The following MMP27 variants were observed in gnomAD, a reference collection of about 807,000 sequenced individuals.
MMP27 encodes matrix metalloproteinase-27.
In MMP27, 51 loss-of-function variants were observed where a neutral mutation model predicts 48.1. The observed-to-expected ratio is 1.06, with a 90% CI of 0.85 to 1.34. The LOEUF (loss-of-function observed/expected upper bound fraction) is 1.34. Ranked by LOEUF, MMP27 falls within the 40% of genes most tolerant of loss-of-function variation. The probability of loss-of-function intolerance (pLI) is 0.00; values close to 1 mark genes in which losing one functional copy is unlikely to be tolerated. For synonymous variants in MMP27, 229 were observed against 208.9 expected (o/e 1.10, Z -0.83); for missense variants, 698 against 619.3 (o/e 1.13, Z -1.35).
At chr11:102,703,844 T>C (rs1860993367) in intron 2 of MMP27, among the ~76,000 whole-genome samples, 1 of 152,196 alleles carries the variant, frequency 6.6e-6, no homozygotes, top group Non-Finnish European at 1.5e-5. Flanking sequence ...GAATCTTACA[T>C]GAGAACCACA....
intron 2 of MMP27, among the ~76,000 whole-genome samples, chr11:102,704,118 T>G (rs1220190971): frequency 6.6e-6 from 1 of 152,136 alleles, no homozygotes; most frequent in Non-Finnish European, 1.5e-5. Context: ...ATTTGGCAAC[T>G]CTCTCTCTCA....
chr11:102,693,155 AG>A, intron 8 of MMP27, 114 bp from the exon 9 acceptor site: 1 of 668,738 alleles, frequency 1.5e-6, no homozygotes, highest in Admixed American at 2.6e-5. Context: ...GGCATAGTAG[AG>A]GAAAACTAAT....
chr11:102,693,892 G>A lies in MMP27; in HGVS notation c.1193+14C>T, dbSNP rs369192418. 1 of 1,577,000 alleles carries A rather than the reference G, an allele frequency of 6.3e-7. No homozygotes were observed. The highest frequency in any genetic ancestry group is 1.2e-5 in the South Asian group (1 of 83,298). Reference sequence around the variant, plus strand: ...TCCATAATAAAACAAAGTGTCAATTGTCTGTAAACTTACCTCCAGCACCAA... The same window carrying A: ...TCCATAATAAAACAAAGTGTCAATTATCTGTAAACTTACCTCCAGCACCAA... On this transcript the variant is annotated intron_variant, in intron 8 of 9. Transcript: ENST00000260229.
At chr11:102,700,305 G>C (rs1860916384) in intron 4 of MMP27, among the ~76,000 whole-genome samples, 1 of 152,200 alleles carries the variant, frequency 6.6e-6, no homozygotes, top group South Asian at 2.1e-4. Flanking sequence ...ATGGAGATGT[G>C]ACTAAATAGA....
Position 102,695,117 on chromosome 11 carries a change from CT to C in MMP27, c.903-21del. ...AGGTGCCTGTGTTAAACAAAAAACA[CT>C]TTACACATGCAGCCTATTTCCATGT... On this transcript the variant is annotated intron_variant, in intron 6 of 9. Coordinates refer to ENST00000260229, the MANE Select transcript of MMP27 (RefSeq NM_022122.3). 1 of 1,609,806 alleles carries C rather than the reference CT, an allele frequency of 6.2e-7. No homozygotes were observed.
intron 2 of MMP27, among the ~76,000 whole-genome samples, chr11:102,704,167 G>A (rs930427741): frequency 2.0e-5 from 3 of 152,078 alleles, no homozygotes; most frequent in South Asian, 2.1e-4. Context: ...TGTGTTCCAG[G>A]GTCTCCCCAT....
In MMP27 at chr11:102,696,409, G is replaced by T; in HGVS notation, c.864C>A (p.Ile288=). ...ACATTACTTCTCTGCGGAAAGTTGT[G>T]ATAGCGTCAAAAGTCAAGTCAGGGT... ...ACDPDLTFDA[I]TTFRREVMFF... is the part of the protein sequence containing the mutation. Residue 288 remains isoleucine, a synonymous_variant, in exon 6 of 10, where the codon ATC becomes ATA. Transcript: ENST00000260229. 6.2e-7 allele frequency: 1 copy of T among 1,613,866 alleles called. No homozygotes were observed. The highest frequency in any genetic ancestry group is 8.5e-7 in the Non-Finnish European group (1 of 1,179,860).
chr11:102,696,617 C>A (rs1245126638), intron 5 of MMP27, 57 bp downstream of exon 5: 5 of 1,570,378 alleles, frequency 3.2e-6, no homozygotes, highest in South Asian at 1.2e-5. Context: ...TCTTAACTTC[C>A]TTTCTGAAAA....
chr11:102,704,414 G>C, intron 2 of MMP27, 123 bp downstream of exon 2: 1 of 760,176 alleles, frequency 1.3e-6, no homozygotes, highest in Non-Finnish European at 2.2e-6. Context: ...ACCGTAAATG[G>C]AGCCTAAGAT....
intron 7 of MMP27, 53 bp downstream of exon 7, chr11:102,694,914 T>C: frequency 6.2e-7 from 1 of 1,600,350 alleles, no homozygotes; most frequent in Non-Finnish European, 8.5e-7. Flanking sequence ...AAATATCCAC[T>C]GGTTAGTTCA....
chr11:102,696,911 A>G lies in MMP27; in HGVS notation c.620-76T>C, dbSNP rs1860842617. On this transcript the variant is annotated intron_variant, in intron 4 of 9. Transcript: ENST00000260229. The stretch of plus-strand genomic sequence containing the variant: ...TGGCTGCATCTGAGATTAGAAAGTA[A>G]CTAAGGGGAATGAAATAAAGGCTTG... 3 of 1,456,388 alleles carry G rather than the reference A, an allele frequency of 2.1e-6. No individual in the cohort carries two copies. The Admixed American group carries it at 6.7e-5, about 33-fold the overall frequency. The allele number at this position is 1,456,388 out of a possible 1,614,324, so 90.2% of individuals were successfully genotyped here. A position where few individuals can be genotyped will look rare whatever the true frequency, so the allele number is the denominator to read the frequency against.
chr11:102,693,133 G>A lies in MMP27; in HGVS notation c.1194-92C>T, dbSNP rs150253325. 314 of 881,532 alleles carry A rather than the reference G, an allele frequency of 3.6e-4. 1 individual carries two copies. The African/African-American group carries it at 4.4e-3, about 12-fold the overall frequency. The allele number at this position is 881,532 out of a possible 1,614,324, so 54.6% of individuals were successfully genotyped here. On this transcript the variant is annotated intron_variant, in intron 8 of 9. Transcript: ENST00000260229. ...ACAACTTAGAGTCAAGCAGGGATGTGGGGAATACATAGGCATAGTAGAGGA... is the reference window on the plus strand; with the variant it reads ...ACAACTTAGAGTCAAGCAGGGATGTAGGGAATACATAGGCATAGTAGAGGA...
At position 102,704,724 on chromosome 11, in the gene MMP27, G is replaced by A. The variant is rs1380274888; in HGVS notation, c.154C>T (p.Gln52Ter). 2.5e-6 allele frequency: 4 copies of A among 1,613,176 alleles called. No individual in the cohort carries two copies. The African/African-American group carries it at 5.4e-5, about 22-fold the overall frequency. Residue 52 changes from glutamine to a stop codon, truncating the protein, a stop_gained, in exon 2 of 10, where the codon CAA (glutamine) becomes TAA (stop). Transcript: ENST00000260229. LOFTEE classifies it high-confidence loss of function. Reference sequence around the variant, plus strand: ...TCTATGAGACTCCTATTCTTGCTTTGAACAAGATGATTCCCTTCTATTTCA... The same window carrying A: ...TCTATGAGACTCCTATTCTTGCTTTAAACAAGATGATTCCCTTCTATTTCA... ...SLEIEGNHLVQSKNRSLIDDK... is the reference protein window; with the variant it reads ...SLEIEGNHLV
chr11:102,696,998 A>C (rs1350226166), intron 4 of MMP27, among the ~76,000 whole-genome samples, 163 bp from the exon 5 acceptor site: 1 of 152,180 alleles, frequency 6.6e-6, no homozygotes, highest in African/African-American at 2.4e-5. Context: ...CAATGCTAAT[A>C]AGTCATGTGT....
At chr11:102,696,611 A>C (rs1029307491) in intron 5 of MMP27, 63 bp downstream of exon 5, 1 of 1,569,866 alleles carries the variant, frequency 6.4e-7, no homozygotes, top group African/African-American at 1.4e-5. Context: ...TGATTTTCTT[A>C]ACTTCCTTTC....
chr11:102,702,601 T>C (rs1860961616), intron 4 of MMP27, 152 bp downstream of exon 4: 9 of 840,458 alleles, frequency 1.1e-5, no homozygotes, highest in South Asian at 6.9e-5. Flanking sequence ...TATGAGGGTG[T>C]ATTGAACACT....
At chr11:102,697,416 A>G (rs1860851029) in intron 4 of MMP27, among the ~76,000 whole-genome samples, 1 of 152,220 alleles carries the variant, frequency 6.6e-6, no homozygotes, top group Admixed American at 6.5e-5. Context: ...CATTATGTAG[A>G]CTGTATAAAC....
intron 4 of MMP27, among the ~76,000 whole-genome samples, chr11:102,700,684 CCAACACTG>C (rs1860923408): frequency 6.6e-6 from 1 of 152,246 alleles, no homozygotes; most frequent in African/African-American, 2.4e-5. Context: ...TTTCTCCTTC[CCAACACTG>C]CATCTGTAGC....
In MMP27 at chr11:102,691,684, G is replaced by T. The variant is rs1465869829; in HGVS notation, c.*82C>A. On this transcript the variant is annotated 3_prime_UTR_variant, in exon 10 of 10. Transcript: ENST00000260229. ...TATTTAGAACTAGGACCAGCAACTTGTTGTTAAAGAATGGTTTTATTCTAT... is the reference window on the plus strand; with the variant it reads ...TATTTAGAACTAGGACCAGCAACTTTTTGTTAAAGAATGGTTTTATTCTAT... The T allele has an allele frequency of 2.9e-5, 36 of 1,240,770 alleles. No individual in the cohort carries two copies. Among genetic ancestry groups the T allele is most frequent in the Non-Finnish European group, 3.8e-5 (35 of 914,482 alleles). The allele number at this position is 1,240,770 out of a possible 1,614,324, so 76.9% of individuals were successfully genotyped here.
Sources: allele counts gnomAD v4.1 joint callset (sites outside exome capture counted in the v4.1 genomes callset), GRCh38; gene constraint gnomAD v4.1.1; transcripts MANE v1.5; gene names NCBI Gene and HGNC (gene_info 2026-07-23, HGNC 2026-07-21).